The following RYR2 variants were observed in gnomAD, a reference collection of about 807,000 sequenced individuals.
The protein encoded by RYR2 is ryanodine receptor 2.
Under a neutral mutation model 601.1 loss-of-function variants are expected in RYR2, and 227 were observed. The ratio of observed to expected loss-of-function variants is 0.38; its 90% CI spans 0.34 to 0.42. RYR2 has a LOEUF of 0.42. Among genes scored for constraint, RYR2 ranks in the 10% least tolerant of loss-of-function variants. The pLI is 1.00. For missense variants in RYR2, 4,646 were observed against 6,156.5 expected (o/e 0.75, Z 8.21); for synonymous variants, 2,223 against 2,175.1 (o/e 1.02, Z -0.61).
intron 1 of RYR2, among the ~76,000 whole-genome samples, chr1:237,127,955 G>A (rs1671710788): frequency 6.6e-6 from 1 of 152,196 alleles, no homozygotes; most frequent in Non-Finnish European, 1.5e-5. Flanking sequence ...CGGCCAGGCA[G>A]AGATGCTCCT....
At chr1:237,575,334 C>T (rs1195983129) in intron 29 of RYR2, among the ~76,000 whole-genome samples, 1 of 152,166 alleles carries the variant, frequency 6.6e-6, no homozygotes, top group Non-Finnish European at 1.5e-5. Flanking sequence ...CCTGACACAT[C>T]TATGGTCTAC....
At chr1:237,490,859 C>T (rs2150408287) in intron 17 of RYR2, among the ~76,000 whole-genome samples, 1 of 152,230 alleles carries the variant, frequency 6.6e-6, no homozygotes, top group East Asian at 1.9e-4. Flanking sequence ...TATTTCTTTT[C>T]TAAGAATATT....
At chr1:237,284,443 C>T (rs968567343) in intron 2 of RYR2, among the ~76,000 whole-genome samples, 2 of 91,026 alleles carry the variant, frequency 2.2e-5, no homozygotes, top group Admixed American at 9.5e-5. Context: ...TAATTCATTC[C>T]TTTTTATGGC....
chr1:237,109,865 T>C (rs1272888068), intron 1 of RYR2, among the ~76,000 whole-genome samples: 1 of 152,162 alleles, frequency 6.6e-6, no homozygotes, highest in African/African-American at 2.4e-5. Context: ...TTCATGGTGT[T>C]CAGCAATGTT....
At chr1:237,831,233 A>G (rs1389270663) in intron 103 of RYR2, among the ~76,000 whole-genome samples, 1 of 152,152 alleles carries the variant, frequency 6.6e-6, no homozygotes, top group Non-Finnish European at 1.5e-5. Flanking sequence ...ACAACTTCTC[A>G]TTAAGCTAGT....
At chr1:237,159,109 A>T (rs927513188) in intron 1 of RYR2, among the ~76,000 whole-genome samples, 1 of 152,104 alleles carries the variant, frequency 6.6e-6, no homozygotes, top group Admixed American at 6.5e-5. Context: ...CCTGACCAAC[A>T]TGAAGAAACC....
At chr1:237,220,307 C>T (rs924242348) in intron 1 of RYR2, among the ~76,000 whole-genome samples, 1 of 152,214 alleles carries the variant, frequency 6.6e-6, no homozygotes, top group African/African-American at 2.4e-5. Flanking sequence ...TCTCCTCCGG[C>T]CTTTGGACAT....
chr1:237,727,428 G>A (rs1690293609), intron 76 of RYR2, among the ~76,000 whole-genome samples: 1 of 152,140 alleles, frequency 6.6e-6, no homozygotes, highest in South Asian at 2.1e-4. Context: ...GCTCACATAT[G>A]TGAGGCAAGA....
In RYR2 at chr1:237,722,996, C is replaced by T. The variant is rs939347168; in HGVS notation, c.10555-132C>T. On this transcript the variant is annotated intron_variant, in intron 73 of 104. Transcript: ENST00000366574. Reference sequence around the variant, plus strand: ...TGTTCATCCTACATAACTGCAGCTGCGCGTCATGTCTTAACTGGTAAACAC... The same window carrying T: ...TGTTCATCCTACATAACTGCAGCTGTGCGTCATGTCTTAACTGGTAAACAC... 6.0e-5 allele frequency: 41 copies of T among 681,998 alleles called. No individual in the cohort carries two copies. The Middle Eastern group carries it at 2.7e-3, about 45-fold the overall frequency. The allele number at this position is 681,998 out of a possible 1,614,324, so 42.2% of individuals were successfully genotyped here.
intron 74 of RYR2, among the ~76,000 whole-genome samples, 198 bp downstream of exon 74, chr1:237,723,460 G>C (rs558033081): frequency 3.9e-5 from 6 of 152,186 alleles, no homozygotes; most frequent in African/African-American, 1.4e-4. Flanking sequence ...GCAATATATA[G>C]ATTATATATT....
chr1:237,300,567 T>C (rs1693250553), intron 2 of RYR2, among the ~76,000 whole-genome samples: 1 of 152,172 alleles, frequency 6.6e-6, no homozygotes, highest in Non-Finnish European at 1.5e-5. Context: ...TGATAAACTT[T>C]TCAGTGATCC....
At chr1:237,650,710 C>T (rs893696633) in intron 50 of RYR2, among the ~76,000 whole-genome samples, 1 of 152,192 alleles carries the variant, frequency 6.6e-6, no homozygotes, top group Non-Finnish European at 1.5e-5. Flanking sequence ...TGTAACTGCT[C>T]AGGGACTCTT....
intron 2 of RYR2, among the ~76,000 whole-genome samples, chr1:237,327,256 G>A (rs1419496064): frequency 6.6e-6 from 1 of 152,082 alleles, no homozygotes; most frequent in Non-Finnish European, 1.5e-5. Context: ...AACAAAATGG[G>A]TGGCGTTTGT....
rs182254537 is a variant in RYR2, at chr1:237,060,980, A to T, written c.48+18411A>T. On this transcript the variant is annotated intron_variant, in intron 1 of 104. Coordinates refer to ENST00000366574, the MANE Select transcript of RYR2 (RefSeq NM_001035.3). ...AGCCTTCTAAACACTTTTCCAAAGT[A>T]GTTGACTCAGTTAACATTTCCACTA... Among the ~76,000 whole-genome samples, 323 of 152,366 alleles carry T rather than the reference A, an allele frequency of 2.1e-3. 2 individuals carry two copies. The highest frequency in any genetic ancestry group is 0.018 in the South Asian group (89 of 4,828).
intron 63 of RYR2, 32 bp downstream of exon 63, chr1:237,687,536 G>A: frequency 6.4e-7 from 1 of 1,563,730 alleles, no homozygotes; most frequent in Non-Finnish European, 8.8e-7. Flanking sequence ...TACAAGCATG[G>A]CCATCACTTG....
chr1:237,148,533 T>TATATATATATATACACACAC (rs1558320030), intron 1 of RYR2, among the ~76,000 whole-genome samples: 38 of 116,706 alleles, frequency 3.3e-4, no homozygotes, highest in African/African-American at 1.4e-3. Flanking sequence ...AAAAAATATA[T>TATATATATATATACACACAC]ATATATATAT....
chr1:237,216,274 GT>G, intron 1 of RYR2, among the ~76,000 whole-genome samples: 1 of 152,060 alleles, frequency 6.6e-6, no homozygotes, highest in East Asian at 1.9e-4. Context: ...CTATGTCTGT[GT>G]TTCAATAGTT....
intron 25 of RYR2, among the ~76,000 whole-genome samples, chr1:237,544,243 A>G (rs545120282): frequency 6.6e-6 from 1 of 152,212 alleles, no homozygotes; most frequent in Non-Finnish European, 1.5e-5. Context: ...ATTTTATAGG[A>G]TGATTGATGG....
At chr1:237,513,789 C>T (rs567153404) in intron 24 of RYR2, among the ~76,000 whole-genome samples, 5 of 152,180 alleles carry the variant, frequency 3.3e-5, no homozygotes, top group South Asian at 2.1e-4. Context: ...TAGGTTTGTA[C>T]GAATATACTC....
Sources: allele counts gnomAD v4.1 joint callset (sites outside exome capture counted in the v4.1 genomes callset), GRCh38; gene constraint gnomAD v4.1.1; transcripts MANE v1.5; gene names NCBI Gene and HGNC (gene_info 2026-07-23, HGNC 2026-07-21).